Variants in ARHGAP26 observed in about 807,000 individuals in gnomAD.
ARHGAP26 encodes Rho GTPase activating protein 26, also known as rho GTPase-activating protein 26.
Under a neutral mutation model 104.8 loss-of-function variants are expected in ARHGAP26, and 38 were observed. The observed-to-expected ratio is 0.36, with a 90% CI of 0.28 to 0.48. The LOEUF is 0.48. Among genes scored for constraint, ARHGAP26 ranks in the 20% least tolerant of loss-of-function variants. The pLI, the probability that ARHGAP26 is intolerant of heterozygous loss-of-function variation, is 0.99. For synonymous variants in ARHGAP26, 341 were observed against 340.0 expected (o/e 1.00, Z -0.03); for missense variants, 704 against 947.9 (o/e 0.74, Z 3.38).
chr5:143,177,052 A>G (rs552921498), intron 20 of ARHGAP26, among the ~76,000 whole-genome samples: 1 of 152,310 alleles, frequency 6.6e-6, no homozygotes, highest in South Asian at 2.1e-4. Context: ...TTTATATTAT[A>G]TGTAGGGACC....
At chr5:142,799,491 A>G (rs1761633319) in intron 1 of ARHGAP26, among the ~76,000 whole-genome samples, 1 of 152,218 alleles carries the variant, frequency 6.6e-6, no homozygotes, top group South Asian at 2.1e-4. Context: ...GAGTATTTGT[A>G]CCTGTGAATT....
intron 5 of ARHGAP26, among the ~76,000 whole-genome samples, chr5:142,893,883 T>A (rs1177817651): frequency 6.6e-6 from 1 of 152,042 alleles, no homozygotes; most frequent in African/African-American, 2.4e-5. Flanking sequence ...TTGTGTGTCT[T>A]CTTTTGAGAA....
chr5:143,226,855 A>G lies in ARHGAP26; in HGVS notation c.*4409A>G. 4.4e-6 allele frequency: 1 copy of G among 225,362 alleles called. No homozygotes were observed. 14.0% of individuals were successfully genotyped at this position (225,362 alleles called of 1,614,324 possible). A position where few individuals can be genotyped will look rare whatever the true frequency, so the allele number is the denominator to read the frequency against. On this transcript the variant is annotated 3_prime_UTR_variant, in exon 23 of 23. Transcript: ENST00000645722. ...GGCATTAGCAGGACAGAGCCATACT[A>G]GTGACAAGGGCATCCCAAGGCACTT... is the stretch of plus-strand genomic sequence containing the variant.
intron 8 of ARHGAP26, among the ~76,000 whole-genome samples, chr5:142,904,365 C>A (rs1760797923): frequency 6.6e-6 from 1 of 151,866 alleles, no homozygotes; most frequent in Non-Finnish European, 1.5e-5. Flanking sequence ...TGGTGTGCAC[C>A]TGTGGGCCCA....
chr5:142,929,750 G>A (rs774106591), intron 10 of ARHGAP26, among the ~76,000 whole-genome samples: 7 of 152,206 alleles, frequency 4.6e-5, no homozygotes, highest in Admixed American at 1.3e-4. Context: ...ATCTCACACT[G>A]TGTGCCATGA....
chr5:142,808,928 A>G (rs1763550437), intron 1 of ARHGAP26, among the ~76,000 whole-genome samples: 1 of 152,214 alleles, frequency 6.6e-6, no homozygotes, highest in Non-Finnish European at 1.5e-5. Flanking sequence ...CACCTTACTT[A>G]TTAAGCTTGT....
chr5:143,174,540 A>T (rs1562553208), intron 20 of ARHGAP26, among the ~76,000 whole-genome samples: 1 of 152,290 alleles, frequency 6.6e-6, no homozygotes, highest in East Asian at 1.9e-4. Flanking sequence ...TTTTATACTG[A>T]TACCCTTTTA....
At chr5:142,984,251 A>G (rs1774354792) in intron 11 of ARHGAP26, among the ~76,000 whole-genome samples, 1 of 152,228 alleles carries the variant, frequency 6.6e-6, no homozygotes, top group Admixed American at 6.5e-5. Flanking sequence ...CTTATGTCTC[A>G]TTGACCAGAA....
intron 1 of ARHGAP26, among the ~76,000 whole-genome samples, chr5:142,847,414 A>G (rs532335531): frequency 2.0e-5 from 3 of 151,762 alleles, no homozygotes; most frequent in South Asian, 2.1e-4. Context: ...CTGGAGTGCA[A>G]TGGCGCGATC....
At chr5:142,967,510 G>A (rs879129889) in intron 11 of ARHGAP26, among the ~76,000 whole-genome samples, 7 of 152,156 alleles carry the variant, frequency 4.6e-5, no homozygotes, top group Admixed American at 6.5e-5. Flanking sequence ...GGCCGGGTGC[G>A]GTGGCTCACG....
intron 1 of ARHGAP26, among the ~76,000 whole-genome samples, chr5:142,782,015 G>C (rs904756625): frequency 5.3e-5 from 8 of 152,082 alleles, no homozygotes; most frequent in Non-Finnish European, 8.8e-5. Flanking sequence ...GCGCCTGGCC[G>C]ATTCATGGTG....
chr5:142,912,356 C>T (rs1761942290), intron 9 of ARHGAP26, among the ~76,000 whole-genome samples: 2 of 152,144 alleles, frequency 1.3e-5, no homozygotes, highest in Non-Finnish European at 2.9e-5. Context: ...ATAGACTATG[C>T]AAACTAATCA....
At chr5:142,891,340 A>T (rs1007491623) in intron 5 of ARHGAP26, among the ~76,000 whole-genome samples, 1 of 151,940 alleles carries the variant, frequency 6.6e-6, no homozygotes, top group Admixed American at 6.5e-5. Context: ...TTAGCCTTTC[A>T]GATTGGTTTG....
chr5:143,042,022 A>G (rs1783544732), intron 14 of ARHGAP26, 132 bp downstream of exon 14: 1 of 715,434 alleles, frequency 1.4e-6, no homozygotes, highest in East Asian at 2.7e-5. Flanking sequence ...CCTAGAAGTC[A>G]TCTGCCCCAT....
At chr5:143,012,406 A>G (rs1778875373) in intron 11 of ARHGAP26, among the ~76,000 whole-genome samples, 3 of 149,982 alleles carry the variant, frequency 2.0e-5, no homozygotes, top group Admixed American at 1.3e-4. Context: ...ATTCTCCGTC[A>G]TATTTCTTAA....
chr5:142,902,263 C>T (rs141903444), intron 7 of ARHGAP26, among the ~76,000 whole-genome samples: 2 of 152,230 alleles, frequency 1.3e-5, no homozygotes, highest in South Asian at 2.1e-4. Flanking sequence ...TTTATGTTCT[C>T]GGAAGTGCTG....
At chr5:142,860,089 C>G (rs1054034) in intron 1 of ARHGAP26, 25,523 of 152,158 alleles carry the variant, frequency 0.17, 3,206 homozygotes, top group East Asian at 0.52. Context: ...AGCCCCAGTG[C>G]GCCCGCATGA....
At chr5:142,939,712 C>T (rs1303979192) in intron 11 of ARHGAP26, among the ~76,000 whole-genome samples, 1 of 152,232 alleles carries the variant, frequency 6.6e-6, no homozygotes, top group African/African-American at 2.4e-5. Context: ...AAATCCTACA[C>T]CACTGCTTAT....
At chr5:143,021,050 T>C (rs965425733) in intron 12 of ARHGAP26, among the ~76,000 whole-genome samples, 22 of 152,236 alleles carry the variant, frequency 1.4e-4, no homozygotes, top group Admixed American at 1.4e-3. Flanking sequence ...AGAGCAGTGA[T>C]TGAAGAAGGA....
Sources: gnomAD v4.1 joint callset for allele counts (sites outside exome capture counted in the v4.1 genomes callset) on GRCh38, gnomAD v4.1.1 for gene constraint, MANE v1.5 for transcripts, NCBI Gene and HGNC (gene_info 2026-07-23, HGNC 2026-07-21) for gene names.